The following NLRP14 variants were observed in gnomAD, a reference collection of about 807,000 sequenced individuals.
NLRP14 encodes the protein NACHT, LRR and PYD domains-containing protein 14.
In NLRP14, 105 loss-of-function variants were observed where a neutral mutation model predicts 94.7. The ratio of observed to expected loss-of-function variants is 1.11; its 90% CI spans 0.95 to 1.30. The LOEUF (loss-of-function observed/expected upper bound fraction) is 1.30. Ranked by LOEUF, NLRP14 falls within the 50% of genes most tolerant of loss-of-function variation. The pLI is 0.00. For missense variants in NLRP14, 1,362 were observed against 1,254.1 expected (o/e 1.09, Z -1.30); for synonymous variants, 508 against 459.9 (o/e 1.10, Z -1.34).
chr11:7,037,775 A>G (rs1298422611), intron 1 of NLRP14, among the ~76,000 whole-genome samples: 1 of 152,220 alleles, frequency 6.6e-6, no homozygotes, highest in Non-Finnish European at 1.5e-5. Context: ...GGGAGTTTGC[A>G]GCTTAAAAGT....
chr11:7,037,019 T>A (rs989654880), intron 1 of NLRP14, among the ~76,000 whole-genome samples: 1 of 152,140 alleles, frequency 6.6e-6, no homozygotes, highest in African/African-American at 2.4e-5. Context: ...CGCCCCTCAT[T>A]TGTTACAGGA....
the NLRP14 span, among the ~76,000 whole-genome samples, chr11:7,078,091 T>G: frequency 6.6e-6 from 1 of 152,008 alleles, no homozygotes; most frequent in African/African-American, 2.4e-5. Flanking sequence ...GATGGAAAAT[T>G]TTATGTGCAT....
rs1167290724 is a variant in NLRP14, at chr11:7,057,790, G to T, written c.2405G>T (p.Gly802Val). Residue 802 changes from glycine to valine, a missense_variant, in exon 7 of 12, where the codon GGA becomes GTA. Coordinates refer to ENST00000299481, the MANE Select transcript of NLRP14 (RefSeq NM_176822.4). The part of the protein sequence containing the change: ...NLSTNNLLDD[G>V]VQLLCEALRH... ...TCAACCAATAATCTGTTGGATGATG[G>T]AGTGCAGCTTTTGTGTGAGGCCTTA... 1 of 1,612,456 alleles carries T rather than the reference G, an allele frequency of 6.2e-7. No individual in the cohort carries two copies. Among genetic ancestry groups the T allele is most frequent in the Non-Finnish European group, 8.5e-7 (1 of 1,178,618 alleles).
rs1852792124 is a variant in NLRP14 at position 7,071,249 on chromosome 11, A to C, written c.3223A>C (p.Ile1075Leu). ...AVGVSNPHLI[I>L]KPDCNYHNEE... ...GGGAGTTAGCAATCCACACTTAATCATTAAGCCAGATTGTAACTATCATAA... is the reference window on the plus strand; with the variant it reads ...GGGAGTTAGCAATCCACACTTAATCCTTAAGCCAGATTGTAACTATCATAA... The change falls in exon 12 of 12, where the codon ATT (isoleucine) becomes CTT (leucine). Residue 1075 changes from isoleucine (I) to leucine (L), a missense_variant. Coordinates refer to ENST00000299481, the MANE Select transcript of NLRP14 (RefSeq NM_176822.4). The C allele has an allele frequency of 3.1e-6, 5 of 1,613,434 alleles. No homozygotes were observed. The Admixed American group carries it at 6.7e-5, about 22-fold the overall frequency.
At position 7,043,131 on chromosome 11, in the gene NLRP14, C is replaced by A. The variant is rs1852290147; in HGVS notation, c.1105C>A (p.Pro369Thr). ...NEMLFSMCQV[P>T]LVCWAACTCL... ...GATGCTGTTTAGCATGTGCCAAGTC[C>A]CCCTAGTGTGCTGGGCCGCTTGTAC... Residue 369 changes from proline (P) to threonine (T), a missense_variant, in exon 4 of 12, where the codon CCC becomes ACC. Coordinates refer to ENST00000299481, the MANE Select transcript of NLRP14 (RefSeq NM_176822.4). 3 of 1,613,940 alleles carry A rather than the reference C, an allele frequency of 1.9e-6. No individual in the cohort carries two copies. The African/African-American group carries it at 4.0e-5, about 22-fold the overall frequency.
At chr11:7,056,515 C>CAAAAAAAAAA (rs60703550) in intron 6 of NLRP14, among the ~76,000 whole-genome samples, 42 of 122,730 alleles carry the variant, frequency 3.4e-4, no homozygotes, top group Non-Finnish European at 5.2e-4. Flanking sequence ...AGCACTAATA[C>CAAAAAAAAAA]AAAAAAAAAA....
the NLRP14 span, among the ~76,000 whole-genome samples, chr11:7,081,733 C>T: frequency 6.6e-6 from 1 of 152,162 alleles, no homozygotes; most frequent in Non-Finnish European, 1.5e-5. Flanking sequence ...CTGTGGCATG[C>T]CACCCTCCCA....
At chr11:7,049,437 C>T (rs968252011) in intron 5 of NLRP14, among the ~76,000 whole-genome samples, 2 of 152,106 alleles carry the variant, frequency 1.3e-5, no homozygotes, top group African/African-American at 4.8e-5. Context: ...AAAGAGGCTC[C>T]TCTTCTGCTT....
chr11:7,078,462 AC>A, the NLRP14 span, among the ~76,000 whole-genome samples: 4 of 88,476 alleles, frequency 4.5e-5, no homozygotes, highest in African/African-American at 8.5e-5. Context: ...AAAAAAAAAA[AC>A]AAAAAAATTG....
chr11:7,047,209 G>A (rs1852368551), intron 5 of NLRP14, among the ~76,000 whole-genome samples: 1 of 152,126 alleles, frequency 6.6e-6, no homozygotes, highest in South Asian at 2.1e-4. Flanking sequence ...CACAAATAAT[G>A]TTCAGTTTGT....
chr11:7,038,794 A>G lies in NLRP14; in HGVS notation c.208A>G (p.Lys70Glu). Reference protein sequence around the residue: ...NLMKKYYPGEKAWSVSLKIFG... With the variant: ...NLMKKYYPGEEAWSVSLKIFG... ...GATGAAGAAATATTATCCAGGAGAGAAAGCCTGGAGTGTGTCTCTCAAAAT... is the reference window on the plus strand; with the variant it reads ...GATGAAGAAATATTATCCAGGAGAGGAAGCCTGGAGTGTGTCTCTCAAAAT... The change falls in exon 2 of 12, where the codon AAA becomes GAA. Residue 70 changes from lysine to glutamate, a missense_variant. Lys to Glu is a moderately conservative substitution (Grantham distance 56). Coordinates refer to ENST00000299481, the MANE Select transcript of NLRP14 (RefSeq NM_176822.4). The G allele has an allele frequency of 6.2e-7, 1 of 1,613,098 alleles. No homozygotes were observed. The highest frequency in any genetic ancestry group is 8.5e-7 in the Non-Finnish European group (1 of 1,179,618).
Position 7,038,499 on chromosome 11 carries a change from C to A in NLRP14, c.-21-67C>A, listed in dbSNP as rs547911632. ...TTAATCTATATAAGTATTTCATTTT[C>A]AAATCTGTCTTTTTCATGTGTCCCA... is the stretch of plus-strand genomic sequence containing the variant. On this transcript the variant is annotated intron_variant, in intron 1 of 11. Coordinates refer to ENST00000299481, the MANE Select transcript of NLRP14 (RefSeq NM_176822.4). 5.3e-6 allele frequency: 7 copies of A among 1,314,390 alleles called. No individual in the cohort carries two copies. In the South Asian group the frequency reaches 6.0e-5, roughly 11 times the overall value. The allele number at this position is 1,314,390 out of a possible 1,614,324, so 81.4% of individuals were successfully genotyped here.
At chr11:7,074,564 A>G (rs897151082), downstream of NLRP14, among the ~76,000 whole-genome samples, 2 of 152,262 alleles carry the variant, frequency 1.3e-5, no homozygotes, top group African/African-American at 4.8e-5. Flanking sequence ...ACTGTCAGAA[A>G]AAGGAAAATT....
downstream of NLRP14, among the ~76,000 whole-genome samples, chr11:7,074,744 A>C (rs187728568): frequency 1.3e-5 from 2 of 152,284 alleles, no homozygotes; most frequent in Admixed American, 1.3e-4. Flanking sequence ...TGCATCTAGG[A>C]AAAATAGGGG....
chr11:7,076,366 T>C (rs967053262), downstream of NLRP14, among the ~76,000 whole-genome samples: 5 of 152,116 alleles, frequency 3.3e-5, no homozygotes, highest in Non-Finnish European at 7.4e-5. Context: ...TGTTTTATCG[T>C]TTTCTTTTTA....
chr11:7,051,163 T>G lies in NLRP14; in HGVS notation c.2291+1325T>G, dbSNP rs571838327. On this transcript the variant is annotated intron_variant, in intron 6 of 11. Transcript: ENST00000299481. ...TTTCTGGGTCAACTAGTAGGGCTCC[T>G]TGCAACAGTAAATACAATGCTTTGG... is the stretch of plus-strand genomic sequence containing the variant. Among the ~76,000 whole-genome samples, 156 of 152,336 alleles carry G rather than the reference T, an allele frequency of 1.0e-3. 1 individual carries two copies. The highest frequency in any genetic ancestry group is 1.7e-3 in the Non-Finnish European group (113 of 68,022).
chr11:7,063,408 A>G (rs1254738290), intron 10 of NLRP14, among the ~76,000 whole-genome samples: 1 of 152,070 alleles, frequency 6.6e-6, no homozygotes, highest in Non-Finnish European at 1.5e-5. Flanking sequence ...GGATGCCTGC[A>G]CATGCAACAT....
chr11:7,033,978 C>T (rs1035334419), intron 1 of NLRP14, among the ~76,000 whole-genome samples: 1 of 152,106 alleles, frequency 6.6e-6, no homozygotes, highest in Non-Finnish European at 1.5e-5. Flanking sequence ...GTAATAGTAG[C>T]CTTGATCTTG....
chr11:7,059,012 C>T (rs1852568038), intron 8 of NLRP14, among the ~76,000 whole-genome samples: 2 of 151,920 alleles, frequency 1.3e-5, no homozygotes. Flanking sequence ...TTAACACCCT[C>T]ATTGGACATC....
Sources: allele counts gnomAD v4.1 joint callset (sites outside exome capture counted in the v4.1 genomes callset), GRCh38; gene constraint gnomAD v4.1.1; transcripts MANE v1.5; gene names NCBI Gene and HGNC (gene_info 2026-07-23, HGNC 2026-07-21).